Variants in PM20D2 observed in about 807,000 individuals in gnomAD.
PM20D2 encodes the protein peptidase M20 domain containing 2, also known as xaa-Arg dipeptidase.
PM20D2 carries 33 observed loss-of-function variants against 42.9 expected under a neutral mutation model. That is an observed-to-expected ratio of 0.77 (90% CI 0.58 to 1.03). PM20D2 has a LOEUF of 1.03. Ranked by LOEUF, PM20D2 falls within the 50% of genes least tolerant of loss-of-function variation. The pLI is 0.00. For synonymous variants in PM20D2, 250 were observed against 228.2 expected, an observed-to-expected ratio of 1.10 and a Z score of -0.86; for missense variants, 548 against 557.0, an observed-to-expected ratio of 0.98 and a Z score of 0.16.
chr6:89,107,617 G>C, the PM20D2 span, among the ~76,000 whole-genome samples: 1 of 152,082 alleles, frequency 6.6e-6, no homozygotes, highest in Non-Finnish European at 1.5e-5. Context: ...TGTAGTCCCA[G>C]CTACTCGGGA....
chr6:89,094,544 C>T, the PM20D2 span, among the ~76,000 whole-genome samples: 1 of 152,068 alleles, frequency 6.6e-6, no homozygotes, highest in Non-Finnish European at 1.5e-5. Context: ...TAATTTGTAA[C>T]CTATTTACTA....
the PM20D2 span, among the ~76,000 whole-genome samples, chr6:89,103,432 G>A: frequency 3.4e-4 from 51 of 151,938 alleles, 1 homozygote; most frequent in African/African-American, 1.2e-3. Context: ...AGGTTCAAGC[G>A]ATTCTCCTGC....
At chr6:89,113,584 T>A in the PM20D2 span, among the ~76,000 whole-genome samples, 7 of 152,160 alleles carry the variant, frequency 4.6e-5, no homozygotes, top group Non-Finnish European at 1.0e-4. Context: ...GCTGGGATTA[T>A]AGATGTGAGC....
chr6:89,160,020 C>G (rs1771183595), intron 5 of PM20D2, among the ~76,000 whole-genome samples: 1 of 152,100 alleles, frequency 6.6e-6, no homozygotes, highest in Non-Finnish European at 1.5e-5. Flanking sequence ...GGGTCTAGTT[C>G]CACAAGTAAG....
chr6:89,160,952 G>A (rs1488947802), intron 5 of PM20D2, among the ~76,000 whole-genome samples: 1 of 151,948 alleles, frequency 6.6e-6, no homozygotes, highest in Non-Finnish European at 1.5e-5. Context: ...GTGGGAACAT[G>A]GTATGAGATC....
the PM20D2 span, among the ~76,000 whole-genome samples, chr6:89,117,624 G>C: frequency 6.6e-6 from 1 of 152,060 alleles, no homozygotes; most frequent in East Asian, 1.9e-4. Flanking sequence ...AAAGCTGGCC[G>C]GGAGGGCGGA....
At chr6:89,097,326 T>C in the PM20D2 span, 1 of 152,140 alleles carries the variant, frequency 6.6e-6, no homozygotes, top group Admixed American at 6.5e-5. Flanking sequence ...AACCATTCTA[T>C]CACAAACACT....
the PM20D2 span, among the ~76,000 whole-genome samples, chr6:89,102,231 T>C: frequency 6.6e-6 from 1 of 151,770 alleles, no homozygotes; most frequent in Non-Finnish European, 1.5e-5. Flanking sequence ...GCAACCTCTG[T>C]CTCCCGGGTT....
At chr6:89,119,426 G>A in the PM20D2 span, among the ~76,000 whole-genome samples, 7 of 152,308 alleles carry the variant, frequency 4.6e-5, no homozygotes, top group East Asian at 1.2e-3. Flanking sequence ...GGAACAGCAC[G>A]TGCAAAGGCT....
intron 3 of PM20D2, among the ~76,000 whole-genome samples, chr6:89,154,375 T>C (rs1021121357): frequency 5.9e-5 from 9 of 152,326 alleles, no homozygotes; most frequent in African/African-American, 2.2e-4. Flanking sequence ...AGGGTAATTA[T>C]AGAACCTCAT....
chr6:89,162,273 G>C lies in PM20D2; in HGVS notation c.*10G>C. Reference sequence around the variant, plus strand: ...AAATGCAGTAGAATAAAAGACTTAGGGGCCACTTATAAATCAAGAAGACGT... The same window carrying C: ...AAATGCAGTAGAATAAAAGACTTAGCGGCCACTTATAAATCAAGAAGACGT... On this transcript the variant is annotated 3_prime_UTR_variant, in exon 7 of 7. Transcript: ENST00000275072. 2 of 1,597,556 alleles carry C rather than the reference G, an allele frequency of 1.3e-6. No individual in the cohort carries two copies. Among genetic ancestry groups the C allele is most frequent in the South Asian group, 2.3e-5 (2 of 87,840 alleles).
At chr6:89,104,867 A>G in the PM20D2 span, among the ~76,000 whole-genome samples, 1 of 152,042 alleles carries the variant, frequency 6.6e-6, no homozygotes, top group African/African-American at 2.4e-5. Flanking sequence ...AGCCTGGGCA[A>G]CATAGCGAGA....
At chr6:89,100,620 G>A in the PM20D2 span, among the ~76,000 whole-genome samples, 1 of 150,676 alleles carries the variant, frequency 6.6e-6, no homozygotes, top group Admixed American at 6.6e-5. Context: ...TCATCAAACA[G>A]GAATTTAAAA....
At chr6:89,101,647 G>A in the PM20D2 span, among the ~76,000 whole-genome samples, 5 of 151,942 alleles carry the variant, frequency 3.3e-5, no homozygotes, top group African/African-American at 9.7e-5. Context: ...GTAGTGAGCC[G>A]AGATTGTGCC....
upstream of PM20D2, among the ~76,000 whole-genome samples, chr6:89,143,761 C>G (rs1467076415): frequency 6.6e-6 from 1 of 152,148 alleles, no homozygotes; most frequent in East Asian, 1.9e-4. Context: ...TTCTAGAAAG[C>G]CACATGTCCA....
At chr6:89,130,808 G>GGCTGCTGCT in the PM20D2 span, among the ~76,000 whole-genome samples, 4 of 99,966 alleles carry the variant, frequency 4.0e-5, no homozygotes, top group African/African-American at 1.2e-4. Flanking sequence ...TTTTGTATCT[G>GGCTGCTGCT]GCTTCTTCTT....
At chr6:89,100,203 A>T in the PM20D2 span, among the ~76,000 whole-genome samples, 1 of 152,164 alleles carries the variant, frequency 6.6e-6, no homozygotes, top group South Asian at 2.1e-4. Context: ...CCAGCAAAAA[A>T]CCGGAATTCA....
chr6:89,106,182 G>A, the PM20D2 span, among the ~76,000 whole-genome samples: 1 of 152,062 alleles, frequency 6.6e-6, no homozygotes, highest in Non-Finnish European at 1.5e-5. Flanking sequence ...GTGCAATGGC[G>A]CGATCTCAGC....
At chr6:89,129,207 G>T in the PM20D2 span, among the ~76,000 whole-genome samples, 1 of 152,098 alleles carries the variant, frequency 6.6e-6, no homozygotes, top group Non-Finnish European at 1.5e-5. Context: ...AGGCCAAAAG[G>T]CAGGAGGGTG....
Sources: gnomAD v4.1 joint callset for allele counts (sites outside exome capture counted in the v4.1 genomes callset) on GRCh38, gnomAD v4.1.1 for gene constraint, MANE v1.5 for transcripts, NCBI Gene and HGNC (gene_info 2026-07-23, HGNC 2026-07-21) for gene names.